The following NETO2 variants were observed in gnomAD, a reference collection of about 807,000 sequenced individuals.
NETO2 encodes neuropilin and tolloid like 2.
In NETO2, 28 loss-of-function variants were observed where a neutral mutation model predicts 62.5. That is an observed-to-expected ratio of 0.45 (90% CI 0.33 to 0.61). The LOEUF is 0.61. Among genes scored for constraint, NETO2 ranks in the 20% least tolerant of loss-of-function variants. The pLI is 0.02. For missense variants in NETO2, 548 were observed against 643.2 expected (o/e 0.85, Z 1.60); for synonymous variants, 214 against 219.1 (o/e 0.98, Z 0.21).
chr16:47,114,640 C>T (rs368601441), intron 6 of NETO2, among the ~76,000 whole-genome samples: 69 of 151,178 alleles, frequency 4.6e-4, no homozygotes, highest in African/African-American at 9.2e-4. Context: ...TTAGTAGAGA[C>T]GGGGTTTTAC....
At chr16:47,101,351 A>C (rs567295351) in intron 7 of NETO2, among the ~76,000 whole-genome samples, 1 of 152,222 alleles carries the variant, frequency 6.6e-6, no homozygotes, top group South Asian at 2.1e-4. Flanking sequence ...AAAAGCTGGA[A>C]GCATTCCCTT....
intron 2 of NETO2, among the ~76,000 whole-genome samples, chr16:47,130,058 A>C (rs1964233771): frequency 2.0e-5 from 3 of 152,186 alleles, no homozygotes; most frequent in Non-Finnish European, 4.4e-5. Context: ...TCAGAACACT[A>C]AAGGTGATTT....
At chr16:47,123,850 A>C (rs894069637) in intron 4 of NETO2, among the ~76,000 whole-genome samples, 5 of 152,174 alleles carry the variant, frequency 3.3e-5, no homozygotes, top group African/African-American at 1.2e-4. Context: ...GGTGTCTGCC[A>C]CCACGCTCAG....
chr16:47,104,468 C>A (rs574337440), intron 7 of NETO2, among the ~76,000 whole-genome samples: 1 of 152,274 alleles, frequency 6.6e-6, no homozygotes, highest in Admixed American at 6.5e-5. Flanking sequence ...AAGTGACCCA[C>A]AGATTTAAAA....
At chr16:47,085,434 T>G (rs574320956) in intron 8 of NETO2, among the ~76,000 whole-genome samples, 60 of 152,004 alleles carry the variant, frequency 3.9e-4, no homozygotes, top group African/African-American at 1.4e-3. Context: ...CAAGCTGGAG[T>G]GCAATGGCGC....
At chr16:47,091,522 T>C (rs1596703201) in intron 7 of NETO2, among the ~76,000 whole-genome samples, 1 of 152,220 alleles carries the variant, frequency 6.6e-6, no homozygotes, top group South Asian at 2.1e-4. Flanking sequence ...ATTTGACTTA[T>C]ATAGTTTATT....
Position 47,143,854 on chromosome 16 carries a change from C to A in NETO2, c.-242G>T, listed in dbSNP as rs1433678585. Reference sequence around the variant, plus strand: ...CCTCCTGCTCCGCGGCGCCCCGTCCCATCGACCGCCCGAGGGCCGAGGAGT... The same window carrying A: ...CCTCCTGCTCCGCGGCGCCCCGTCCAATCGACCGCCCGAGGGCCGAGGAGT... On this transcript the variant is annotated 5_prime_UTR_variant, in exon 1 of 9. An upstream start codon of the reference 5' UTR is lost. Coordinates refer to ENST00000562435, the MANE Select transcript of NETO2 (RefSeq NM_018092.5). The A allele has an allele frequency of 1.2e-5, 4 of 343,246 alleles. No homozygotes were observed. The East Asian group carries it at 1.8e-4, about 15-fold the overall frequency. The allele number at this position is 343,246 out of a possible 1,614,324, so 21.3% of individuals were successfully genotyped here. A position where few individuals can be genotyped will look rare whatever the true frequency, so the allele number is the denominator to read the frequency against.
chr16:47,092,051 G>C (rs1210544161), intron 7 of NETO2, among the ~76,000 whole-genome samples: 2 of 139,240 alleles, frequency 1.4e-5, no homozygotes, highest in African/African-American at 5.3e-5. Context: ...TTGTAGAGAT[G>C]TTGTCCCATT....
intron 1 of NETO2, among the ~76,000 whole-genome samples, chr16:47,138,736 C>G (rs570940191): frequency 1.2e-4 from 19 of 152,324 alleles, no homozygotes; most frequent in African/African-American, 4.6e-4. Flanking sequence ...ACATCACAGC[C>G]TTGCTTAAAA....
chr16:47,096,156 A>G (rs1201059089), intron 7 of NETO2, among the ~76,000 whole-genome samples: 1 of 152,208 alleles, frequency 6.6e-6, no homozygotes, highest in African/African-American at 2.4e-5. Flanking sequence ...GCAGAGTACT[A>G]AAAGCAGTAG....
At chr16:47,129,961 C>A (rs556223566) in intron 2 of NETO2, among the ~76,000 whole-genome samples, 51 of 152,300 alleles carry the variant, frequency 3.3e-4, no homozygotes, top group Non-Finnish European at 6.8e-4. Flanking sequence ...TTTTTAAAAA[C>A]ACGAGGCTAG....
chr16:47,089,244 T>C (rs1271543563), intron 7 of NETO2, among the ~76,000 whole-genome samples: 1 of 152,034 alleles, frequency 6.6e-6, no homozygotes, highest in African/African-American at 2.4e-5. Flanking sequence ...GACTGAAGAG[T>C]CCACAATAGC....
At chr16:47,124,509 TTTA>T (rs1375961316) in intron 4 of NETO2, among the ~76,000 whole-genome samples, 2 of 152,170 alleles carry the variant, frequency 1.3e-5, no homozygotes, top group Non-Finnish European at 2.9e-5. Context: ...CAAAATTTAT[TTTA>T]TTAACATGAC....
intron 7 of NETO2, among the ~76,000 whole-genome samples, chr16:47,103,620 A>C (rs186419403): frequency 6.6e-6 from 1 of 152,286 alleles, no homozygotes; most frequent in Non-Finnish European, 1.5e-5. Flanking sequence ...TATGAATATT[A>C]ATATAAAAAT....
chr16:47,109,979 C>A (rs1290319834), intron 6 of NETO2, among the ~76,000 whole-genome samples: 1 of 152,148 alleles, frequency 6.6e-6, no homozygotes, highest in Admixed American at 6.6e-5. Flanking sequence ...GCATAACTAT[C>A]TCACATTTTT....
chr16:47,138,889 C>T (rs1297102087), intron 1 of NETO2, among the ~76,000 whole-genome samples: 1 of 152,222 alleles, frequency 6.6e-6, no homozygotes, highest in Admixed American at 6.5e-5. Context: ...TCCCATCACT[C>T]AAAACACATC....
Position 47,122,851 on chromosome 16 carries a change from G to T in NETO2, c.526+17C>A. 3 of 1,614,016 alleles carry T rather than the reference G, an allele frequency of 1.9e-6. No homozygotes were observed. The highest frequency in any genetic ancestry group is 2.5e-6 in the Non-Finnish European group (3 of 1,179,946). On this transcript the variant is annotated intron_variant, in intron 5 of 8. Coordinates refer to ENST00000562435, the MANE Select transcript of NETO2 (RefSeq NM_018092.5). ...TAATCAAAAATGCCAAGAGGAACAAGTGGTAATATACTAAACCTGGAATGG... is the reference window on the plus strand; with the variant it reads ...TAATCAAAAATGCCAAGAGGAACAATTGGTAATATACTAAACCTGGAATGG...
At position 47,092,885 on chromosome 16, in the gene NETO2, T is replaced by C. The variant is rs186145695; in HGVS notation, c.884-6546A>G. Among the ~76,000 whole-genome samples the C allele has an allele frequency of 2.6e-4, 39 of 152,306 alleles. No individual in the cohort carries two copies. The Middle Eastern group carries it at 0.01, about 40-fold the overall frequency. On this transcript the variant is annotated intron_variant, in intron 7 of 8. Transcript: ENST00000562435. ...CCCCATCTTGTCTGTTCAGTTTTCA[T>C]CTTTCAGTCAGACTCAAAATTGTAG...
At chr16:47,123,864 A>AT (rs1244558050) in intron 4 of NETO2, among the ~76,000 whole-genome samples, 2 of 152,038 alleles carry the variant, frequency 1.3e-5, no homozygotes, top group African/African-American at 4.8e-5. Flanking sequence ...CGCTCAGCTA[A>AT]TTTTTTATAT....
Sources: gnomAD v4.1 joint callset for allele counts (sites outside exome capture counted in the v4.1 genomes callset) on GRCh38, gnomAD v4.1.1 for gene constraint, MANE v1.5 for transcripts, NCBI Gene and HGNC (gene_info 2026-07-23, HGNC 2026-07-21) for gene names.